Variants in MAGI2 observed in about 807,000 individuals in gnomAD.
The protein encoded by MAGI2 is membrane associated guanylate kinase, WW and PDZ domain containing 2, also known as membrane-associated guanylate kinase, WW and PDZ domain-containing protein 2.
Under a neutral mutation model 133.3 loss-of-function variants are expected in MAGI2, and 35 were observed. The observed-to-expected ratio is 0.26, with a 90% CI of 0.20 to 0.35. The LOEUF is 0.35. MAGI2 is among the 10% of genes least tolerant of loss of function. MAGI2 has a pLI of 1.00. For missense variants in MAGI2, 1,636 were observed against 1,863.4 expected (o/e 0.88, Z 2.25); for synonymous variants, 729 against 710.6 (o/e 1.03, Z -0.41).
chr7:79,451,429 T>G (rs1194321749), intron 1 of MAGI2, among the ~76,000 whole-genome samples: 1 of 152,222 alleles, frequency 6.6e-6, no homozygotes, highest in South Asian at 2.1e-4. Context: ...ATTTGAACCT[T>G]AGGTATCTTA....
chr7:78,860,355 T>C (rs1794053240), intron 2 of MAGI2, among the ~76,000 whole-genome samples: 1 of 152,296 alleles, frequency 6.6e-6, no homozygotes, highest in African/African-American at 2.4e-5. Context: ...TCTGCTCTGG[T>C]TTATCCCCAT....
chr7:78,333,595 G>A (rs529796808), intron 9 of MAGI2, among the ~76,000 whole-genome samples: 1 of 152,320 alleles, frequency 6.6e-6, no homozygotes, highest in Admixed American at 6.5e-5. Context: ...AAGTGATACT[G>A]TGCAGGATCC....
At chr7:79,199,782 C>G (rs952269888) in intron 1 of MAGI2, among the ~76,000 whole-genome samples, 10 of 151,860 alleles carry the variant, frequency 6.6e-5, no homozygotes, top group Admixed American at 5.2e-4. Flanking sequence ...CTTGGCAGTG[C>G]AGCCGGGGGA....
Position 78,019,476 on chromosome 7 carries a change from C to G in MAGI2, c.4207G>C (p.Glu1403Gln). The G allele has an allele frequency of 1.0e-6, 1 of 980,084 alleles. No individual in the cohort carries two copies. Among genetic ancestry groups the G allele is most frequent in the Non-Finnish European group, 1.2e-6 (1 of 828,022 alleles). The allele number at this position is 980,084 out of a possible 1,614,324, so 60.7% of individuals were successfully genotyped here. The part of the protein sequence containing the change: ...GGGGSGALEA[E>Q]GRAGARAGPR... Reference sequence around the variant, plus strand: ...CCCGCGCGCGCACCCGCCCTGCCCTCGGCCTCCAGCGCGCCGCTGCCGCCG... The same window carrying G: ...CCCGCGCGCGCACCCGCCCTGCCCTGGGCCTCCAGCGCGCCGCTGCCGCCG... The change falls in exon 22 of 22, where the codon GAG becomes CAG. Residue 1403 changes from glutamate (E) to glutamine (Q), a missense_variant. Glu to Gln is a conservative substitution (Grantham distance 29). This residue lies in a region of MAGI2 where 354 missense variants were observed against 298.7 expected (regional missense o/e 1.19). Transcript: ENST00000354212.
intron 6 of MAGI2, among the ~76,000 whole-genome samples, chr7:78,466,695 G>A (rs1790669138): frequency 6.6e-6 from 1 of 152,094 alleles, no homozygotes; most frequent in African/African-American, 2.4e-5. Context: ...TACTTACTGA[G>A]GGCATACTAC....
At chr7:78,780,845 A>T (rs1430939044) in intron 2 of MAGI2, among the ~76,000 whole-genome samples, 1 of 152,228 alleles carries the variant, frequency 6.6e-6, no homozygotes, top group African/African-American at 2.4e-5. Flanking sequence ...TCACCTTCTA[A>T]AAGTGACATA....
At chr7:79,277,193 A>G (rs1226396069) in intron 1 of MAGI2, among the ~76,000 whole-genome samples, 1 of 152,150 alleles carries the variant, frequency 6.6e-6, no homozygotes, top group African/African-American at 2.4e-5. Context: ...CCCAACCTTC[A>G]GCAACTACCA....
chr7:78,559,617 CCA>C (rs1800207600), intron 3 of MAGI2, among the ~76,000 whole-genome samples: 2 of 152,032 alleles, frequency 1.3e-5, no homozygotes, highest in African/African-American at 4.8e-5. Flanking sequence ...GAAAGGGAAC[CCA>C]CAGAGTAGAA....
intron 1 of MAGI2, chr7:79,351,717 A>G (rs2129110325): frequency 6.6e-6 from 1 of 152,346 alleles, no homozygotes; most frequent in East Asian, 1.9e-4. Context: ...TCAATGTGAA[A>G]GATGAACACT....
intron 1 of MAGI2, among the ~76,000 whole-genome samples, chr7:79,277,726 C>T (rs1296508518): frequency 6.6e-6 from 1 of 152,160 alleles, no homozygotes; most frequent in Non-Finnish European, 1.5e-5. Flanking sequence ...AGGCCCTTGA[C>T]TTCCCTTTTC....
intron 14 of MAGI2, among the ~76,000 whole-genome samples, chr7:78,177,480 C>T (rs1826770942): frequency 6.6e-6 from 1 of 151,906 alleles, no homozygotes; most frequent in African/African-American, 2.4e-5. Flanking sequence ...ACAAAGTGTT[C>T]TACAAAGCCC....
Position 78,663,781 on chromosome 7 carries a change from GT to G in MAGI2, c.419-36543del, listed in dbSNP as rs1347304534. ...AAATAGCCTTAATGCATAACATGTT[GT>G]TTCCAAGAGTTATATAAATGTGGAT... On this transcript the variant is annotated intron_variant, in intron 2 of 21. Transcript: ENST00000354212. 1.2e-4 allele frequency among the ~76,000 whole-genome samples: 18 copies of G among 152,108 alleles called. 1 individual carries two copies. Among genetic ancestry groups the G allele is most frequent in the Admixed American group, 1.2e-3 (18 of 15,270 alleles).
At chr7:78,791,066 T>C (rs1177380609) in intron 2 of MAGI2, among the ~76,000 whole-genome samples, 2 of 152,164 alleles carry the variant, frequency 1.3e-5, no homozygotes, top group Admixed American at 6.5e-5. Context: ...TCAACTATTA[T>C]ACTGGAAAGC....
chr7:78,650,823 A>G (rs996647511), intron 2 of MAGI2, among the ~76,000 whole-genome samples: 2 of 152,190 alleles, frequency 1.3e-5, no homozygotes, highest in African/African-American at 4.8e-5. Context: ...GGCTGTAAGT[A>G]GTATTCTGTT....
chr7:79,016,481 A>T (rs1349742514), intron 1 of MAGI2, among the ~76,000 whole-genome samples: 1 of 152,072 alleles, frequency 6.6e-6, no homozygotes, highest in Non-Finnish European at 1.5e-5. Context: ...AGGGTGCCCC[A>T]ATAGAGTGTC....
intron 1 of MAGI2, among the ~76,000 whole-genome samples, chr7:79,447,985 G>C (rs775577275): frequency 2.6e-5 from 4 of 151,812 alleles, no homozygotes; most frequent in Non-Finnish European, 4.4e-5. Context: ...CTACAATGAT[G>C]TATTAATATA....
At chr7:79,432,305 C>T (rs1452565073) in intron 1 of MAGI2, among the ~76,000 whole-genome samples, 3 of 152,142 alleles carry the variant, frequency 2.0e-5, no homozygotes, top group African/African-American at 7.2e-5. Flanking sequence ...CAGAAGTGGT[C>T]ATTTAAAAAG....
chr7:78,087,643 C>G (rs1816780762), intron 20 of MAGI2, among the ~76,000 whole-genome samples: 1 of 151,996 alleles, frequency 6.6e-6, no homozygotes, highest in African/African-American at 2.4e-5. Context: ...CAAAACAAAA[C>G]AAAAACAACT....
At chr7:78,664,291 CATTT>C (rs1254690371) in intron 2 of MAGI2, among the ~76,000 whole-genome samples, 1 of 152,168 alleles carries the variant, frequency 6.6e-6, no homozygotes, top group African/African-American at 2.4e-5. Context: ...ACAGCACTAA[CATTT>C]AATTTTATTT....
Sources: allele counts gnomAD v4.1 joint callset (sites outside exome capture counted in the v4.1 genomes callset), GRCh38; gene constraint gnomAD v4.1.1; regional missense constraint gnomAD v4.1.1; transcripts MANE v1.5; gene names NCBI Gene and HGNC (gene_info 2026-07-23, HGNC 2026-07-21).